ARHGAP8: variants seen among roughly 807,000 people sequenced by gnomAD.
ARHGAP8 encodes rho GTPase-activating protein 8.
Under a neutral mutation model 46.1 loss-of-function variants are expected in ARHGAP8, and 62 were observed. The ratio of observed to expected loss-of-function variants is 1.34; its 90% CI spans 1.10 to 1.66. ARHGAP8 has a LOEUF of 1.66. Ranked by LOEUF, ARHGAP8 falls within the 40% of genes most tolerant of loss-of-function variation. ARHGAP8 has a pLI of 0.00. For missense variants in ARHGAP8, 923 were observed against 568.4 expected, an observed-to-expected ratio of 1.62 and a Z score of -6.34; for synonymous variants, 375 against 243.1, an observed-to-expected ratio of 1.54 and a Z score of -5.05.
At chr22:44,787,043 A>AAAAAAC (rs1357498092) in intron 2 of ARHGAP8, among the ~76,000 whole-genome samples, 1 of 148,302 alleles carries the variant, frequency 6.7e-6, no homozygotes, top group Non-Finnish European at 1.5e-5. Context: ...AAAACAAAAA[A>AAAAAAC]AAAAAAAAGA....
chr22:44,827,751 T>G (rs1446421704), intron 7 of ARHGAP8, among the ~76,000 whole-genome samples: 1 of 151,960 alleles, frequency 6.6e-6, no homozygotes, highest in Non-Finnish European at 1.5e-5. Context: ...GGGAGGGAAG[T>G]GTGTCTAAAT....
chr22:44,808,271 T>C (rs1177019370), intron 3 of ARHGAP8, 36 bp from the exon 4 acceptor site: 1 of 1,597,060 alleles, frequency 6.3e-7, no homozygotes, highest in East Asian at 2.2e-5. Context: ...AATGAGTAGG[T>C]GATTTTCATA....
rs770735672 is a variant in ARHGAP8 at position 44,862,381 on chromosome 22, T to C, written c.1088T>C (p.Leu363Pro). 6.8e-6 allele frequency: 11 copies of C among 1,614,072 alleles called. No individual in the cohort carries two copies. Among genetic ancestry groups the C allele is most frequent in the Non-Finnish European group, 9.3e-6 (11 of 1,180,010 alleles). The change falls in exon 12 of 12, where the codon CTT (leucine) becomes CCT (proline). Residue 363 changes from leucine (L) to proline (P), a missense_variant. By Grantham distance (98) the Leu-to-Pro change is moderately conservative (BLOSUM62 -3). Transcript: ENST00000356099. ...PSQGVSSLSA[L>P]VPLNMFTELL... ...CAGGGGGTCTCCTCCCTGAGTGCCC[T>C]TGTGCCCCTGAACATGTTCACTGAA... is the stretch of plus-strand genomic sequence containing the variant.
intron 10 of ARHGAP8, among the ~76,000 whole-genome samples, chr22:44,853,513 C>T (rs2070147174): frequency 6.6e-6 from 1 of 152,148 alleles, no homozygotes; most frequent in Non-Finnish European, 1.5e-5. Context: ...CGTAGTTTTC[C>T]ACGGGAGCAT....
At chr22:44,758,172 CG>C (rs1015440320) in intron 1 of ARHGAP8, among the ~76,000 whole-genome samples, 13 of 152,112 alleles carry the variant, frequency 8.5e-5, no homozygotes, top group African/African-American at 3.1e-4. Context: ...CATCTGAGGC[CG>C]GGCACGGTGG....
intron 5 of ARHGAP8, among the ~76,000 whole-genome samples, chr22:44,817,807 C>CA (rs1306232521): frequency 6.6e-6 from 1 of 151,808 alleles, no homozygotes; most frequent in Non-Finnish European, 1.5e-5. Flanking sequence ...AACTCCATCT[C>CA]AAAAAACAGA....
intron 1 of ARHGAP8, 51 bp from the exon 2 acceptor site, chr22:44,786,406 C>T: frequency 6.5e-7 from 1 of 1,539,508 alleles, no homozygotes; most frequent in East Asian, 2.4e-5. Flanking sequence ...CTCCCTCATT[C>T]CCCGCCTTAC....
chr22:44,759,884 C>T (rs1924993735), intron 1 of ARHGAP8, among the ~76,000 whole-genome samples: 1 of 152,210 alleles, frequency 6.6e-6, no homozygotes, highest in African/African-American at 2.4e-5. Flanking sequence ...GTGAGAGTTG[C>T]GCACCCGAAT....
intron 10 of ARHGAP8, among the ~76,000 whole-genome samples, chr22:44,856,089 G>C (rs2070214447): frequency 6.6e-6 from 1 of 151,992 alleles, no homozygotes; most frequent in South Asian, 2.1e-4. Flanking sequence ...GCACCAAAGA[G>C]ATGGTGCTAA....
intron 5 of ARHGAP8, among the ~76,000 whole-genome samples, chr22:44,822,150 T>G (rs1380593960): frequency 6.6e-6 from 1 of 152,232 alleles, no homozygotes; most frequent in Admixed American, 6.5e-5. Flanking sequence ...GATGAGCCAC[T>G]CCAGCGTGTT....
At chr22:44,817,106 A>G (rs549557263) in intron 5 of ARHGAP8, among the ~76,000 whole-genome samples, 1 of 151,260 alleles carries the variant, frequency 6.6e-6, no homozygotes, top group Non-Finnish European at 1.5e-5. Context: ...GGCTGGTCTC[A>G]AGCTCCTGAC....
At chr22:44,763,910 A>G (rs1925347443) in intron 1 of ARHGAP8, among the ~76,000 whole-genome samples, 1 of 149,592 alleles carries the variant, frequency 6.7e-6, no homozygotes, top group Non-Finnish European at 1.5e-5. Flanking sequence ...TCCTGGGTTC[A>G]CGCCATTCTG....
Position 44,770,375 on chromosome 22 carries a change from C to T in ARHGAP8, c.-71-16082C>T, listed in dbSNP as rs116556670. On this transcript the variant is annotated intron_variant, in intron 1 of 11. Coordinates refer to ENST00000356099, the MANE Select transcript of ARHGAP8 (RefSeq NM_181335.3). ...CAGGTGGAGTCATCTGCCAGGAATG[C>T]AAAAGTCTGAAAAGGCCAACCTTAG... 4.3e-3 allele frequency among the ~76,000 whole-genome samples: 649 copies of T among 150,672 alleles called. 3 individuals are homozygous for T. The highest frequency in any genetic ancestry group is 0.015 in the African/African-American group (607 of 41,080).
intron 2 of ARHGAP8, 119 bp from the exon 3 acceptor site, chr22:44,801,958 G>A (rs1010478944): frequency 7.6e-6 from 9 of 1,177,396 alleles, no homozygotes; most frequent in South Asian, 2.7e-5. Context: ...TCCGAGGAAC[G>A]CTGCTGCCTG....
chr22:44,859,599 G>C, intron 10 of ARHGAP8, 132 bp from the exon 11 acceptor site: 1 of 919,536 alleles, frequency 1.1e-6, no homozygotes, highest in South Asian at 1.4e-5. Flanking sequence ...ATAAGTGGGG[G>C]TCCCAAGCCC....
At chr22:44,768,911 C>T (rs1602149162) in intron 1 of ARHGAP8, among the ~76,000 whole-genome samples, 2 of 151,418 alleles carry the variant, frequency 1.3e-5, no homozygotes, top group Admixed American at 6.6e-5. Context: ...CTCGGCTCAC[C>T]GCAACCCGCT....
intron 1 of ARHGAP8, among the ~76,000 whole-genome samples, chr22:44,756,625 C>T (rs1419601932): frequency 6.9e-6 from 1 of 144,988 alleles, no homozygotes; most frequent in African/African-American, 2.6e-5. Flanking sequence ...CTGCAACTCA[C>T]CCTTCCACCC....
At chr22:44,815,541 A>T (rs1929676729) in intron 5 of ARHGAP8, among the ~76,000 whole-genome samples, 1 of 152,154 alleles carries the variant, frequency 6.6e-6, no homozygotes, top group Non-Finnish European at 1.5e-5. Flanking sequence ...ACCCATGGCC[A>T]GCCTTCTCTT....
intron 1 of ARHGAP8, among the ~76,000 whole-genome samples, chr22:44,784,106 T>TA (rs553525704): frequency 0.012 from 1,769 of 150,864 alleles, 49 homozygotes; most frequent in African/African-American, 0.039. Context: ...AAATTAAAAA[T>TA]AAAAAAAAAG....
Sources: allele counts gnomAD v4.1 joint callset (sites outside exome capture counted in the v4.1 genomes callset), GRCh38; gene constraint gnomAD v4.1.1; transcripts MANE v1.5; gene names NCBI Gene and HGNC (gene_info 2026-07-23, HGNC 2026-07-21).